MARCHF6: variants seen among roughly 807,000 people sequenced by gnomAD.
The protein encoded by MARCHF6 is membrane associated ring-CH-type finger 6.
In MARCHF6, 31 loss-of-function variants were observed where a neutral mutation model predicts 133.7. That is an observed-to-expected ratio of 0.23 (90% CI 0.17 to 0.31). The LOEUF is 0.31. MARCHF6 is among the 10% of genes least tolerant of loss of function. The pLI is 1.00. For missense variants in MARCHF6, 723 were observed against 1,121.6 expected (o/e 0.64, Z 5.08); for synonymous variants, 395 against 402.5 (o/e 0.98, Z 0.22).
intron 22 of MARCHF6, among the ~76,000 whole-genome samples, chr5:10,419,125 A>G (rs548644248): frequency 6.6e-6 from 1 of 152,336 alleles, no homozygotes; most frequent in East Asian, 1.9e-4. Context: ...ACAAAGAAGT[A>G]CAGAACTGAC....
At chr5:10,379,688 C>G (rs1034114217) in intron 3 of MARCHF6, among the ~76,000 whole-genome samples, 3 of 152,140 alleles carry the variant, frequency 2.0e-5, no homozygotes, top group Non-Finnish European at 2.9e-5. Flanking sequence ...GTCTCGATCT[C>G]CTGACCTCAT....
intron 19 of MARCHF6, among the ~76,000 whole-genome samples, chr5:10,413,028 C>CA (rs1739317221): frequency 6.6e-6 from 1 of 152,062 alleles, no homozygotes; most frequent in Non-Finnish European, 1.5e-5. Flanking sequence ...GGGCAGGAAC[C>CA]AGATAATGGA....
At position 10,438,068 on chromosome 5, in the gene MARCHF6, A is replaced by G. The variant is rs151289135; in HGVS notation, c.*4384A>G. 1.3e-5 allele frequency: 2 copies of G among 152,438 alleles called. No individual in the cohort carries two copies. The highest frequency in any genetic ancestry group is 2.9e-5 in the Non-Finnish European group (2 of 68,032). 9.4% of individuals were successfully genotyped at this position (152,438 alleles called of 1,614,324 possible). A position where few individuals can be genotyped will look rare whatever the true frequency, so the allele number is the denominator to read the frequency against. On this transcript the variant is annotated 3_prime_UTR_variant, in exon 26 of 26. Transcript: ENST00000274140. The stretch of plus-strand genomic sequence containing the variant: ...TCTGTCTCCCTAACTTGAACTGTAG[A>G]CCGTCCTCACTGGGAAGAGTAAGGC...
Position 10,405,598 on chromosome 5 carries a change from A to G in MARCHF6, c.1373A>G (p.Asn458Ser). Residue 458 changes from asparagine (N) to serine (S), a missense_variant, in exon 16 of 26, where the codon AAT (asparagine) becomes AGT (serine). By Grantham distance (46) the Asn-to-Ser change is conservative (BLOSUM62 1). Coordinates refer to ENST00000274140, the MANE Select transcript of MARCHF6 (RefSeq NM_005885.4). ...GTCCTGTGGTTTCTAAGGAATTTGA[A>G]TGATCCAGATTTCAATCCAGTACAG... ...PGVLWFLRNL[N>S]DPDFNPVQEM... 1 of 1,610,142 alleles carries G rather than the reference A, an allele frequency of 6.2e-7. No homozygotes were observed. The highest frequency in any genetic ancestry group is 1.7e-5 in the Admixed American group (1 of 59,378).
intron 1 of MARCHF6, 54 bp downstream of exon 1, chr5:10,353,971 C>A: frequency 6.6e-7 from 1 of 1,517,108 alleles, no homozygotes; most frequent in Non-Finnish European, 8.8e-7. Context: ...CGGGTTCGTA[C>A]CCCGGCCAGG....
chr5:10,390,552 T>C (rs760370279), intron 6 of MARCHF6, 52 bp downstream of exon 6: 2 of 1,520,904 alleles, frequency 1.3e-6, no homozygotes, highest in Admixed American at 2.0e-5. Flanking sequence ...ATGAGAATTA[T>C]TGTTTCTCTC....
chr5:10,423,636 A>G (rs1043853708), intron 22 of MARCHF6, 99 bp from the exon 23 acceptor site: 3 of 682,400 alleles, frequency 4.4e-6, no homozygotes, highest in Non-Finnish European at 6.9e-6. Context: ...TAGAACTTCT[A>G]TTTTGATGTG....
chr5:10,361,471 C>T (rs951647555), intron 1 of MARCHF6, among the ~76,000 whole-genome samples: 1 of 152,200 alleles, frequency 6.6e-6, no homozygotes, highest in African/African-American at 2.4e-5. Flanking sequence ...AGTCTTCTCT[C>T]TGTATGTCTT....
In MARCHF6 at chr5:10,434,872, T is replaced by TA. The variant is rs961393007; in HGVS notation, c.*1190dup. 6.5e-6 allele frequency: 1 copy of TA among 152,672 alleles called. No homozygotes were observed. The highest frequency in any genetic ancestry group is 1.5e-5 in the Non-Finnish European group (1 of 68,042). The allele number at this position is 152,672 out of a possible 1,614,324, so 9.5% of individuals were successfully genotyped here. ...AGGAAGCTTGGCTGAGCTGGCCTTT[T>TA]AACATAGGAATGTATTTCGTTGGAA... On this transcript the variant is annotated 3_prime_UTR_variant, in exon 26 of 26. Coordinates refer to ENST00000274140, the MANE Select transcript of MARCHF6 (RefSeq NM_005885.4).
chr5:10,391,942 A>G (rs1030273759), intron 7 of MARCHF6, among the ~76,000 whole-genome samples: 1 of 150,430 alleles, frequency 6.6e-6, no homozygotes, highest in Non-Finnish European at 1.5e-5. Flanking sequence ...TGTGTTTTAA[A>G]ATCCTTTTTA....
intron 25 of MARCHF6, among the ~76,000 whole-genome samples, chr5:10,432,831 A>G (rs1740433424): frequency 6.6e-6 from 1 of 150,434 alleles, no homozygotes; most frequent in African/African-American, 2.5e-5. Context: ...CTTCACTGAA[A>G]TTTCTCCTTT....
In MARCHF6 at chr5:10,436,826, G is replaced by A. The variant is rs1161058237; in HGVS notation, c.*3142G>A. 1 of 152,176 alleles carries A rather than the reference G, an allele frequency of 6.6e-6. No individual in the cohort carries two copies. The highest frequency in any genetic ancestry group is 2.1e-4 in the South Asian group (1 of 4,832). The allele number at this position is 152,176 out of a possible 1,614,324, so 9.4% of individuals were successfully genotyped here. Reference sequence around the variant, plus strand: ...TTTTTCCCCCTCTTAGTACTCTGGAGAAACAATGAAGATGGGCCATCTCAA... The same window carrying A: ...TTTTTCCCCCTCTTAGTACTCTGGAAAAACAATGAAGATGGGCCATCTCAA... On this transcript the variant is annotated 3_prime_UTR_variant, in exon 26 of 26. Coordinates refer to ENST00000274140, the MANE Select transcript of MARCHF6 (RefSeq NM_005885.4).
At chr5:10,406,789 T>C (rs1738918692) in intron 16 of MARCHF6, among the ~76,000 whole-genome samples, 1 of 152,222 alleles carries the variant, frequency 6.6e-6, no homozygotes. Context: ...TTTATTAAGT[T>C]GCAGGCATTT....
At chr5:10,408,826 A>C (rs1739059482) in intron 17 of MARCHF6, among the ~76,000 whole-genome samples, 1 of 152,214 alleles carries the variant, frequency 6.6e-6, no homozygotes, top group Non-Finnish European at 1.5e-5. Context: ...GGCATGAGCC[A>C]CTGTGCCTGG....
chr5:10,430,305 G>GTTTT (rs576172086), intron 25 of MARCHF6, among the ~76,000 whole-genome samples: 14 of 133,508 alleles, frequency 1.0e-4, no homozygotes, highest in Non-Finnish European at 1.6e-4. Context: ...TTTGGTGGTG[G>GTTTT]TTTTTTTTTT....
chr5:10,419,942 G>A (rs377383710), intron 22 of MARCHF6, among the ~76,000 whole-genome samples: 3 of 152,342 alleles, frequency 2.0e-5, no homozygotes, highest in East Asian at 3.9e-4. Context: ...GGAATGATTT[G>A]ACAGTTATGG....
chr5:10,371,012 A>T (rs1426096043), intron 1 of MARCHF6, among the ~76,000 whole-genome samples: 1 of 152,208 alleles, frequency 6.6e-6, no homozygotes, highest in African/African-American at 2.4e-5. Flanking sequence ...GGGAAGAAGC[A>T]TGATAAGGTC....
At chr5:10,364,697 A>G (rs1579521948) in intron 1 of MARCHF6, among the ~76,000 whole-genome samples, 1 of 152,136 alleles carries the variant, frequency 6.6e-6, no homozygotes, top group Non-Finnish European at 1.5e-5. Context: ...CAGAATCTCC[A>G]CCATGACTTG....
In MARCHF6 at chr5:10,353,821, C is replaced by A; in HGVS notation, c.-78C>A. On this transcript the variant is annotated 5_prime_UTR_variant, in exon 1 of 26. Transcript: ENST00000274140. ...TACGCACCTGCCCGGGCCCGGCTCC[C>A]TCCTCCTCTCCCCTCCCTCTTTCCC... is the stretch of plus-strand genomic sequence containing the variant. 2 of 1,394,206 alleles carry A rather than the reference C, an allele frequency of 1.4e-6. No homozygotes were observed. Among genetic ancestry groups the A allele is most frequent in the East Asian group, 2.6e-5 (1 of 37,772 alleles). The allele number at this position is 1,394,206 out of a possible 1,614,324, so 86.4% of individuals were successfully genotyped here.
Sources: allele counts gnomAD v4.1 joint callset (sites outside exome capture counted in the v4.1 genomes callset), GRCh38; gene constraint gnomAD v4.1.1; transcripts MANE v1.5; gene names NCBI Gene and HGNC (gene_info 2026-07-23, HGNC 2026-07-21).